Variants in TAFA4 observed in about 807,000 individuals in gnomAD.
TAFA4 encodes the protein chemokine-like protein TAFA-4.
TAFA4 carries 20 observed loss-of-function variants against 21.1 expected under a neutral mutation model. The observed-to-expected ratio is 0.95, with a 90% CI of 0.67 to 1.38. The LOEUF is 1.38. Ranked by LOEUF, TAFA4 falls within the 40% of genes most tolerant of loss-of-function variation. The probability of loss-of-function intolerance (pLI) is 0.00; values close to 1 mark genes in which losing one functional copy is unlikely to be tolerated. For missense variants in TAFA4, 211 were observed against 180.9 expected (o/e 1.17, Z -0.95); for synonymous variants, 71 against 67.4 (o/e 1.05, Z -0.26).
At chr3:68,825,551 T>C (rs946426506) in intron 3 of TAFA4, among the ~76,000 whole-genome samples, 3 of 147,628 alleles carry the variant, frequency 2.0e-5, no homozygotes, top group African/African-American at 8.0e-5. Context: ...GTGCAGTCAC[T>C]GAATTTTATT....
At position 68,745,928 on chromosome 3, in the gene TAFA4, G is replaced by C. The variant is rs546346815; in HGVS notation, c.287-6729C>G. ...ATTGTTCCTGGGTATGCCTGTGAGG[G>C]TGTTGCCAAAGGAGATTAACATTTG... On this transcript the variant is annotated intron_variant, in intron 4 of 5. Transcript: ENST00000295569. Among the ~76,000 whole-genome samples the C allele has an allele frequency of 2.0e-5, 3 of 152,268 alleles. No homozygotes were observed. In the East Asian group the frequency reaches 5.8e-4, roughly 29 times the overall value.
chr3:68,816,450 C>T (rs1703978293), intron 3 of TAFA4, among the ~76,000 whole-genome samples: 1 of 151,984 alleles, frequency 6.6e-6, no homozygotes, highest in Non-Finnish European at 1.5e-5. Context: ...GTAAATTTAT[C>T]CTTATATATT....
At chr3:68,829,436 A>C (rs2106875800) in intron 3 of TAFA4, among the ~76,000 whole-genome samples, 1 of 152,296 alleles carries the variant, frequency 6.6e-6, no homozygotes, top group East Asian at 1.9e-4. Flanking sequence ...TTCTGCATCT[A>C]TTGAAATAAT....
At chr3:68,861,131 A>G (rs2089337224) in intron 3 of TAFA4, among the ~76,000 whole-genome samples, 1 of 149,514 alleles carries the variant, frequency 6.7e-6, no homozygotes, top group Non-Finnish European at 1.5e-5. Context: ...GATGATCACC[A>G]AAGCATTTTT....
chr3:68,921,823 C>T (rs562348326), intron 1 of TAFA4, among the ~76,000 whole-genome samples: 5 of 152,328 alleles, frequency 3.3e-5, no homozygotes, highest in South Asian at 4.1e-4. Context: ...AGTCAGATGA[C>T]GGAAGTTGGC....
At chr3:68,908,870 A>G (rs2089928713) in intron 1 of TAFA4, among the ~76,000 whole-genome samples, 1 of 152,216 alleles carries the variant, frequency 6.6e-6, no homozygotes, top group Non-Finnish European at 1.5e-5. Context: ...AAGCATGACA[A>G]CGATCCAGGG....
chr3:68,880,330 T>C (rs545340249), intron 3 of TAFA4, among the ~76,000 whole-genome samples: 2 of 152,070 alleles, frequency 1.3e-5, no homozygotes, highest in African/African-American at 2.4e-5. Flanking sequence ...ACTAAAGCCC[T>C]GTAAGTGTTA....
At chr3:68,915,798 C>A (rs2107012798) in intron 1 of TAFA4, among the ~76,000 whole-genome samples, 1 of 152,286 alleles carries the variant, frequency 6.6e-6, no homozygotes, top group East Asian at 1.9e-4. Flanking sequence ...AATATGAAAT[C>A]CATATTAGAA....
chr3:68,883,609 A>C (rs1387883251), intron 2 of TAFA4, among the ~76,000 whole-genome samples: 1 of 152,234 alleles, frequency 6.6e-6, no homozygotes, highest in Non-Finnish European at 1.5e-5. Flanking sequence ...ATTGAATGAA[A>C]TATCTCTAAT....
intron 1 of TAFA4, among the ~76,000 whole-genome samples, chr3:68,910,307 GAC>G (rs1333589415): frequency 6.6e-6 from 1 of 152,174 alleles, no homozygotes; most frequent in African/African-American, 2.4e-5. Flanking sequence ...ATCTGTCTGT[GAC>G]AGTGACCTTA....
chr3:68,889,595 C>T (rs1329156496), intron 1 of TAFA4, among the ~76,000 whole-genome samples: 1 of 152,174 alleles, frequency 6.6e-6, no homozygotes, highest in African/African-American at 2.4e-5. Flanking sequence ...CAGGGCATCA[C>T]ATTTCCCCCA....
intron 3 of TAFA4, among the ~76,000 whole-genome samples, chr3:68,772,027 A>G (rs942156477): frequency 2.5e-4 from 37 of 146,772 alleles, no homozygotes; most frequent in Non-Finnish European, 7.4e-5. Flanking sequence ...AGGGATGAAG[A>G]TTTTTTTTTT....
At chr3:68,801,871 G>GA (rs143761875) in intron 3 of TAFA4, among the ~76,000 whole-genome samples, 4 of 152,028 alleles carry the variant, frequency 2.6e-5, no homozygotes, top group South Asian at 2.1e-4. Flanking sequence ...TTTATAGGTG[G>GA]AAAAAAATCC....
In TAFA4 at chr3:68,902,261, G is replaced by A. The variant is rs959467861; in HGVS notation, c.-122-16951C>T. ...CCAAGTCTGCCCTCTTAACCATCGGGCAACTCTGTCTTTCTAAGATCTCAA... is the reference window on the plus strand; with the variant it reads ...CCAAGTCTGCCCTCTTAACCATCGGACAACTCTGTCTTTCTAAGATCTCAA... On this transcript the variant is annotated intron_variant, in intron 1 of 5. Transcript: ENST00000295569. 4.6e-5 allele frequency among the ~76,000 whole-genome samples: 7 copies of A among 152,118 alleles called. No homozygotes were observed. In the South Asian group the frequency reaches 1.3e-3, roughly 28 times the overall value.
intron 1 of TAFA4, among the ~76,000 whole-genome samples, chr3:68,912,069 T>G (rs917007437): frequency 6.6e-6 from 1 of 152,192 alleles, no homozygotes; most frequent in African/African-American, 2.4e-5. Context: ...ACTTTCGTTC[T>G]GTTTTTCACC....
rs1168115280 is a variant in TAFA4 at position 68,777,744 on chromosome 3, G to C, written c.131-24726C>G. Among the ~76,000 whole-genome samples the C allele has an allele frequency of 2.0e-5, 3 of 152,148 alleles. No individual in the cohort carries two copies. The East Asian group carries it at 5.8e-4, about 29-fold the overall frequency. On this transcript the variant is annotated intron_variant, in intron 3 of 5. Coordinates refer to ENST00000295569, the MANE Select transcript of TAFA4 (RefSeq NM_182522.5). ...CATAATAATGTATCTGTCGATGACA[G>C]ACGACATAGACAATGGTGGAAGTAT...
rs1236383971 is a variant in TAFA4 at position 68,755,814 on chromosome 3, CA to C, written c.131-2797del. On this transcript the variant is annotated intron_variant, in intron 3 of 5. Coordinates refer to ENST00000295569, the MANE Select transcript of TAFA4 (RefSeq NM_182522.5). ...TGTGCAGGCCCCTCCCACATTAAAC[CA>C]GAGTTGGTCTGTGTGACAACAGCAT... is the stretch of plus-strand genomic sequence containing the variant. Among the ~76,000 whole-genome samples the C allele has an allele frequency of 3.3e-5, 5 of 152,310 alleles. No individual in the cohort carries two copies. The East Asian group carries it at 9.6e-4, about 29-fold the overall frequency.
At chr3:68,928,905 G>C (rs899720350) in intron 1 of TAFA4, among the ~76,000 whole-genome samples, 1 of 151,488 alleles carries the variant, frequency 6.6e-6, no homozygotes, top group African/African-American at 2.4e-5. Context: ...TGATCTTCTA[G>C]AAAGGTGAAA....
intron 1 of TAFA4, among the ~76,000 whole-genome samples, chr3:68,915,435 A>C (rs2089995037): frequency 6.6e-6 from 1 of 152,198 alleles, no homozygotes; most frequent in South Asian, 2.1e-4. Flanking sequence ...CCAACTGTAG[A>C]GTCCTCTTCT....
Sources: gnomAD v4.1 joint callset for allele counts (sites outside exome capture counted in the v4.1 genomes callset) on GRCh38, gnomAD v4.1.1 for gene constraint, MANE v1.5 for transcripts, NCBI Gene and HGNC (gene_info 2026-07-23, HGNC 2026-07-21) for gene names.